Variants in DMD observed in about 807,000 individuals in gnomAD.
DMD encodes the protein mutant dystrophin.
Under a neutral mutation model 330.1 loss-of-function variants are expected in DMD, and 63 were observed. The observed-to-expected ratio is 0.19, with a 90% CI of 0.16 to 0.24. The LOEUF (loss-of-function observed/expected upper bound fraction) is 0.24. DMD is among the 10% of genes least tolerant of loss of function. The pLI, the probability that DMD is intolerant of heterozygous loss-of-function variation, is 1.00. For synonymous variants in DMD, 1,223 were observed against 959.8 expected, an observed-to-expected ratio of 1.27 and a Z score of -5.07; for missense variants, 3,344 against 2,684.1, an observed-to-expected ratio of 1.25 and a Z score of -5.43.
At chrX:32,229,696 ATATATATATAT>A (rs1347197672) in intron 43 of DMD, among the ~76,000 whole-genome samples, 1 of 73,652 alleles carries the variant, frequency 1.4e-5, no homozygotes, top group African/African-American at 5.2e-5. Flanking sequence ...ATATATATAT[ATATATATATAT>A]ATATATATAT....
intron 56 of DMD, among the ~76,000 whole-genome samples, chrX:31,504,074 CAAAT>C (rs979895449): frequency 9.0e-6 from 1 of 110,592 alleles, no homozygotes; most frequent in Middle Eastern, 4.6e-3. Flanking sequence ...GTTGAATGAA[CAAAT>C]AAATGAATGA....
chrX:32,609,038 G>A (rs904439570), intron 12 of DMD, among the ~76,000 whole-genome samples: 1 of 110,278 alleles, frequency 9.1e-6, no homozygotes, highest in African/African-American at 3.3e-5. Context: ...CTTTTTCACT[G>A]CCTATTTTCT....
chrX:32,392,329 GCT>G (rs1304857495), intron 30 of DMD, among the ~76,000 whole-genome samples: 2 of 111,668 alleles, frequency 1.8e-5, no homozygotes, highest in Non-Finnish European at 3.8e-5. Context: ...CACGATCTTG[GCT>G]CACTGCAACC....
intron 36 of DMD, among the ~76,000 whole-genome samples, chrX:32,363,436 G>C (rs760889420): frequency 1.8e-5 from 2 of 111,734 alleles, no homozygotes; most frequent in East Asian, 5.6e-4. Context: ...ATTACATTGA[G>C]TGTCATAAGA....
intron 4 of DMD, among the ~76,000 whole-genome samples, chrX:32,839,314 C>A (rs757871099): frequency 2.4e-4 from 27 of 111,742 alleles, no homozygotes; most frequent in Non-Finnish European, 1.1e-4. Context: ...AAGGCTCACT[C>A]CCTTTCTCCA....
At chrX:32,858,778 T>C (rs1267892718) in intron 2 of DMD, among the ~76,000 whole-genome samples, 1 of 111,579 alleles carries the variant, frequency 9.0e-6, no homozygotes, top group Non-Finnish European at 1.9e-5. Context: ...CTCCCTGTAG[T>C]ATGAATACCC....
At chrX:32,891,424 A>G (rs1042115442) in intron 2 of DMD, among the ~76,000 whole-genome samples, 2 of 112,499 alleles carry the variant, frequency 1.8e-5, no homozygotes, top group Non-Finnish European at 3.7e-5. Flanking sequence ...ACAGTCCAAG[A>G]TGCAAAGTGA....
chrX:31,725,619 CA>C (rs1486863715), intron 52 of DMD, among the ~76,000 whole-genome samples: 4 of 111,918 alleles, frequency 3.6e-5, no homozygotes, highest in Non-Finnish European at 7.5e-5. Context: ...AAACTAAGAG[CA>C]GATAGTTTAC....
intron 1 of DMD, among the ~76,000 whole-genome samples, chrX:33,325,974 T>C (rs2054083804): frequency 8.9e-6 from 1 of 111,747 alleles, no homozygotes; most frequent in Non-Finnish European, 1.9e-5. Context: ...AAATACCATG[T>C]AGGGTAACTA....
chrX:33,005,634 A>C (rs1286814106), intron 2 of DMD, among the ~76,000 whole-genome samples: 1 of 110,084 alleles, frequency 9.1e-6, no homozygotes, highest in African/African-American at 3.3e-5. Context: ...AAAAATGAAC[A>C]AAAACACCTA....
At chrX:31,967,513 AATGAGTTG>A (rs201484455) in intron 45 of DMD, among the ~76,000 whole-genome samples, 6,601 of 110,963 alleles carry the variant, frequency 0.059, 206 homozygotes, top group East Asian at 0.13. Context: ...GATATTCATC[AATGAGTTG>A]TTCTAGCTTC....
At chrX:33,283,847 T>C (rs1290028819) in intron 1 of DMD, among the ~76,000 whole-genome samples, 3 of 80,359 alleles carry the variant, frequency 3.7e-5, no homozygotes, top group Non-Finnish European at 7.5e-5. Flanking sequence ...TGAAACCTCA[T>C]CTCTACTAAA....
chrX:31,327,773 A>C (rs1753792073), intron 61 of DMD, among the ~76,000 whole-genome samples: 1 of 112,507 alleles, frequency 8.9e-6, no homozygotes. Context: ...CCAGAATGTC[A>C]TATAAATACA....
rs1569534699 is a variant in DMD at position 32,033,671 on chromosome X, AGG to A, written c.6439-65159_6439-65158del. ...AAAGAAAGAAGAAAGAAAGAAAGAA[AGG>A]AAGGAAAGAAAGAAAGAGAAAGAAA... On this transcript the variant is annotated intron_variant, in intron 44 of 78. Transcript: ENST00000357033. 7.6e-4 allele frequency among the ~76,000 whole-genome samples: 70 copies of A among 92,688 alleles called. 4 individuals are homozygous for A. The highest frequency in any genetic ancestry group is 2.0e-3 in the African/African-American group (43 of 21,609). The allele number at this position is 92,688 out of a possible 115,157, so 80.5% of individuals were successfully genotyped here. A position where few individuals can be genotyped will look rare whatever the true frequency, so the allele number is the denominator to read the frequency against.
At chrX:31,456,868 GTGTGTGTGTATATA>G (rs1485601764) in intron 59 of DMD, among the ~76,000 whole-genome samples, 2,012 of 102,454 alleles carry the variant, frequency 0.02, 53 homozygotes, top group African/African-American at 0.068. Flanking sequence ...GTGTGTGTGT[GTGTGTGTGTATATA>G]TATATATATT....
chrX:32,858,803 C>T (rs2081822803), intron 2 of DMD, among the ~76,000 whole-genome samples: 1 of 110,835 alleles, frequency 9.0e-6, no homozygotes, highest in South Asian at 3.8e-4. Flanking sequence ...TAAAATCTAA[C>T]ATACTATTTC....
In DMD at chrX:32,118,698, C is replaced by T. The variant is rs1043033244; in HGVS notation, c.6438+98218G>A. 2.7e-5 allele frequency among the ~76,000 whole-genome samples: 3 copies of T among 109,969 alleles called. No homozygotes were observed. In the South Asian group the frequency reaches 1.2e-3, roughly 44 times the overall value. Reference sequence around the variant, plus strand: ...CAGGATCAAATGTGAAAACCATCGCCCTATAGCAGCAATCCCCAACCTTTT... The same window carrying T: ...CAGGATCAAATGTGAAAACCATCGCTCTATAGCAGCAATCCCCAACCTTTT... On this transcript the variant is annotated intron_variant, in intron 44 of 78. Transcript: ENST00000357033.
chrX:32,519,319 C>A (rs1163699127), intron 17 of DMD, among the ~76,000 whole-genome samples: 4 of 107,020 alleles, frequency 3.7e-5, no homozygotes, highest in Non-Finnish European at 5.8e-5. Flanking sequence ...ATGTTCATTT[C>A]CAGGAGCTGG....
intron 43 of DMD, among the ~76,000 whole-genome samples, chrX:32,276,469 C>T (rs1051244656): frequency 3.6e-5 from 4 of 112,028 alleles, no homozygotes; most frequent in African/African-American, 1.3e-4. Flanking sequence ...AAAAGTGACT[C>T]CTTACTTTTG....
Sources: allele counts gnomAD v4.1 joint callset (sites outside exome capture counted in the v4.1 genomes callset), GRCh38; gene constraint gnomAD v4.1.1; transcripts MANE v1.5; gene names NCBI Gene and HGNC (gene_info 2026-07-23, HGNC 2026-07-21).